BABAM2: variants seen among roughly 807,000 people sequenced by gnomAD.
The protein encoded by BABAM2 is BRISC and BRCA1-A complex member 2.
In BABAM2, 31 loss-of-function variants were observed where a neutral mutation model predicts 54.7. The ratio of observed to expected loss-of-function variants is 0.57; its 90% CI spans 0.43 to 0.77. The LOEUF is 0.77. Among genes scored for constraint, BABAM2 ranks in the 30% least tolerant of loss-of-function variants. The pLI, the probability that BABAM2 is intolerant of heterozygous loss-of-function variation, is 0.00. For synonymous variants in BABAM2, 167 were observed against 162.9 expected, an observed-to-expected ratio of 1.03 and a Z score of -0.19; for missense variants, 364 against 455.8, an observed-to-expected ratio of 0.80 and a Z score of 1.83.
At chr2:27,893,397 A>C (rs1029326100) in intron 1 of BABAM2, among the ~76,000 whole-genome samples, 2 of 152,204 alleles carry the variant, frequency 1.3e-5, no homozygotes, top group Non-Finnish European at 2.9e-5. Flanking sequence ...ATAGCTGCAT[A>C]GATGTATGTT....
intron 6 of BABAM2, among the ~76,000 whole-genome samples, chr2:28,112,324 A>G (rs1668206534): frequency 6.6e-6 from 1 of 150,898 alleles, no homozygotes; most frequent in African/African-American, 2.4e-5. Context: ...TGTCATCTAC[A>G]TTAGGTATTT....
chr2:28,123,129 A>AT (rs936608696), intron 6 of BABAM2, among the ~76,000 whole-genome samples: 11 of 151,936 alleles, frequency 7.2e-5, no homozygotes, highest in South Asian at 2.1e-4. Flanking sequence ...CATTAATTCC[A>AT]TTTTTTCCAT....
intron 10 of BABAM2, among the ~76,000 whole-genome samples, chr2:28,280,946 G>A (rs901447423): frequency 6.6e-6 from 1 of 152,182 alleles, no homozygotes; most frequent in Non-Finnish European, 1.5e-5. Flanking sequence ...GGGGTTAGCT[G>A]TTGAGTCCAC....
At chr2:27,986,826 T>C (rs1002372519) in intron 3 of BABAM2, among the ~76,000 whole-genome samples, 1 of 152,136 alleles carries the variant, frequency 6.6e-6, no homozygotes, top group African/African-American at 2.4e-5. Flanking sequence ...AGTATACATA[T>C]TTTTATACAT....
intron 11 of BABAM2, among the ~76,000 whole-genome samples, chr2:28,316,257 GC>G: frequency 6.6e-6 from 1 of 152,226 alleles, no homozygotes. Flanking sequence ...AGGCTCACCT[GC>G]CTGCTAGCCT....
At chr2:27,899,164 A>G (rs547112884) in intron 2 of BABAM2, among the ~76,000 whole-genome samples, 5 of 152,308 alleles carry the variant, frequency 3.3e-5, no homozygotes, top group African/African-American at 1.2e-4. Context: ...ACCTGAATAT[A>G]TAGGACATAG....
chr2:28,238,887 A>G (rs1374495194), intron 8 of BABAM2, among the ~76,000 whole-genome samples: 1 of 152,136 alleles, frequency 6.6e-6, no homozygotes, highest in East Asian at 1.9e-4. Context: ...AGAATCAGTC[A>G]ATTTTTCTTA....
chr2:28,066,213 G>A (rs1408585697), intron 6 of BABAM2, among the ~76,000 whole-genome samples: 4 of 151,202 alleles, frequency 2.6e-5, no homozygotes, highest in Admixed American at 2.6e-4. Context: ...AAACAGCCAC[G>A]ATAATTTATT....
intron 9 of BABAM2, 24 bp from the exon 10 acceptor site, chr2:28,244,756 T>A: frequency 6.3e-7 from 1 of 1,595,032 alleles, no homozygotes; most frequent in Non-Finnish European, 8.6e-7. Flanking sequence ...TTTTTGTTTG[T>A]GTGTGTATGT....
chr2:27,894,487 A>G (rs1405287691), intron 1 of BABAM2, 46 bp from the exon 2 acceptor site: 1 of 1,557,052 alleles, frequency 6.4e-7, no homozygotes, highest in South Asian at 1.1e-5. Context: ...TGTTGTATCT[A>G]GTCCATTTGT....
chr2:27,971,788 C>T (rs947364584), intron 3 of BABAM2, among the ~76,000 whole-genome samples: 1 of 151,458 alleles, frequency 6.6e-6, no homozygotes, highest in East Asian at 1.9e-4. Flanking sequence ...TTTAAAACTA[C>T]AACAATCATA....
At chr2:27,890,247 C>T (rs1472202657), upstream of BABAM2, 4 of 1,612,852 alleles carry the variant, frequency 2.5e-6, no homozygotes, top group Non-Finnish European at 3.4e-6. The surrounding 1 kb of genome is among the most constrained non-coding windows in gnomAD (Gnocchi z 4.8). Context: ...GTAACTGGCC[C>T]CGGACTAACC....
rs781101903 is a variant in BABAM2, at chr2:27,983,735, T to A, written c.206-4258T>A. Among the ~76,000 whole-genome samples the A allele has an allele frequency of 9.5e-4, 145 of 152,168 alleles. 1 individual carries two copies. Among genetic ancestry groups the A allele is most frequent in the Non-Finnish European group, 1.8e-3 (121 of 67,964 alleles). On this transcript the variant is annotated intron_variant, in intron 3 of 11. Transcript: ENST00000379624. ...TTTGATCTCATTGTAAATGGAATTTTAAAAAATTATTTTTGGATCGTTAAT... is the reference window on the plus strand; with the variant it reads ...TTTGATCTCATTGTAAATGGAATTTAAAAAAATTATTTTTGGATCGTTAAT...
chr2:27,915,057 G>A (rs1407594233), intron 2 of BABAM2, among the ~76,000 whole-genome samples: 4 of 151,982 alleles, frequency 2.6e-5, no homozygotes, highest in Non-Finnish European at 4.4e-5. Flanking sequence ...GAGGCATGAT[G>A]GGCTCCATTA....
intron 7 of BABAM2, among the ~76,000 whole-genome samples, chr2:28,135,438 T>C (rs1363432627): frequency 1.3e-5 from 2 of 152,182 alleles, no homozygotes; most frequent in Non-Finnish European, 1.5e-5. Flanking sequence ...CATTAAATTA[T>C]GCTAAATTGT....
At chr2:28,199,880 G>T (rs1282789583) in intron 7 of BABAM2, among the ~76,000 whole-genome samples, 1 of 152,100 alleles carries the variant, frequency 6.6e-6, no homozygotes, top group South Asian at 2.1e-4. Context: ...TCTAGGATTG[G>T]CACCAAGGCA....
intron 4 of BABAM2, among the ~76,000 whole-genome samples, chr2:28,019,295 G>A (rs1675081485): frequency 6.6e-6 from 1 of 151,920 alleles, no homozygotes; most frequent in Non-Finnish European, 1.5e-5. Flanking sequence ...GTTGTAAATA[G>A]TGCTGCAATA....
chr2:28,279,098 A>G (rs1686123625), intron 10 of BABAM2, among the ~76,000 whole-genome samples: 1 of 152,214 alleles, frequency 6.6e-6, no homozygotes, highest in Admixed American at 6.5e-5. Context: ...CTTCAGCATG[A>G]TGAGAAGGAG....
At chr2:28,024,749 G>A (rs1303748344) in intron 4 of BABAM2, among the ~76,000 whole-genome samples, 2 of 152,124 alleles carry the variant, frequency 1.3e-5, no homozygotes, top group African/African-American at 4.8e-5. Context: ...TTATATTTCT[G>A]TGAGGCTCTA....
Sources: allele counts gnomAD v4.1 joint callset (sites outside exome capture counted in the v4.1 genomes callset), GRCh38; gene constraint gnomAD v4.1.1; non-coding constraint Gnocchi (gnomAD v3.1); transcripts MANE v1.5; gene names NCBI Gene and HGNC (gene_info 2026-07-23, HGNC 2026-07-21).